Variants in SNX19 observed in about 807,000 individuals in gnomAD.
The protein encoded by SNX19 is sorting nexin-19.
Under a neutral mutation model 85.2 loss-of-function variants are expected in SNX19, and 60 were observed. That is an observed-to-expected ratio of 0.70 (90% CI 0.57 to 0.87). SNX19 has a LOEUF of 0.87. SNX19 is among the 40% of genes least tolerant of loss of function. The pLI, the probability that SNX19 is intolerant of heterozygous loss-of-function variation, is 0.00. For missense variants in SNX19, 1,201 were observed against 1,217.8 expected, an observed-to-expected ratio of 0.99 and a Z score of 0.21; for synonymous variants, 520 against 470.0, an observed-to-expected ratio of 1.11 and a Z score of -1.38.
At chr11:130,908,710 C>T (rs1592363246) in intron 4 of SNX19, among the ~76,000 whole-genome samples, 1 of 108,050 alleles carries the variant, frequency 9.3e-6, no homozygotes, top group Non-Finnish European at 2.3e-5. Context: ...TCTACTCATA[C>T]AAGACCAAAT....
intron 8 of SNX19, among the ~76,000 whole-genome samples, chr11:130,890,633 T>C (rs1056919929): frequency 5.9e-5 from 9 of 152,266 alleles, no homozygotes; most frequent in Admixed American, 5.9e-4. Context: ...GTACCACAAA[T>C]ACACTATATT....
Position 130,877,327 on chromosome 11 carries a change from C to T in SNX19, c.*1095G>A, listed in dbSNP as rs1266394474. ...TTGCCTTTCTAATAGATGTTGCAGT[C>T]TGACAAAACACCTTTGCCTTCATGC... On this transcript the variant is annotated 3_prime_UTR_variant, in exon 11 of 11. Transcript: ENST00000265909. 6.6e-6 allele frequency: 1 copy of T among 152,238 alleles called. No individual in the cohort carries two copies. Among genetic ancestry groups the T allele is most frequent in the African/African-American group, 2.4e-5 (1 of 41,444 alleles). 9.4% of individuals were successfully genotyped at this position (152,238 alleles called of 1,614,324 possible).
intron 7 of SNX19, chr11:130,905,654 A>T: frequency 6.7e-7 from 1 of 1,492,080 alleles, no homozygotes; most frequent in South Asian, 1.3e-5. Context: ...CAAGAGTCTG[A>T]TATGCCAAAG....
intron 8 of SNX19, among the ~76,000 whole-genome samples, chr11:130,900,870 G>A (rs1945215935): frequency 6.6e-6 from 1 of 152,138 alleles, no homozygotes; most frequent in East Asian, 1.9e-4. Flanking sequence ...ACATCCAGAG[G>A]TGACAGAATA....
At chr11:130,887,340 T>C (rs371308160) in intron 8 of SNX19, among the ~76,000 whole-genome samples, 11 of 152,204 alleles carry the variant, frequency 7.2e-5, no homozygotes, top group East Asian at 3.9e-4. Flanking sequence ...TATGAAAGCA[T>C]TGGGCACCAA....
In SNX19 at chr11:130,869,077, T is replaced by A. The variant is rs549332556; in HGVS notation, c.*9345A>T. 2 of 152,354 alleles carry A rather than the reference T, an allele frequency of 1.3e-5. No homozygotes were observed. The highest frequency in any genetic ancestry group is 3.9e-4 in the East Asian group (2 of 5,168). The allele number at this position is 152,354 out of a possible 1,614,324, so 9.4% of individuals were successfully genotyped here. A position where few individuals can be genotyped will look rare whatever the true frequency, so the allele number is the denominator to read the frequency against. On this transcript the variant is annotated 3_prime_UTR_variant, in exon 11 of 11. Transcript: ENST00000265909. ...GAAAATTGTCTGCCATGGTATATGC[T>A]GGAAAAACTCTGGGAAACAAGACAA...
At position 130,915,783 on chromosome 11, in the gene SNX19, G is replaced by A. The variant is rs1184645089; in HGVS notation, c.157C>T (p.Leu53Phe). The change falls in exon 1 of 11, where the codon CTT (leucine) becomes TTT (phenylalanine). Residue 53 changes from leucine (L) to phenylalanine (F), a missense_variant. Leu to Phe is a conservative substitution (Grantham distance 22). This residue lies in a region of SNX19 where 791 missense variants were observed against 750.9 expected (regional missense o/e 1.05). Transcript: ENST00000265909. ...HLLVNVWLLC[L>F]LSALLVVLGG... ...AGCACCACTAGCAATGCCGACAGAA[G>A]GCACAGCAGCCACACGTTGACCAGA... 4.8e-5 allele frequency: 77 copies of A among 1,614,076 alleles called. No homozygotes were observed. Among genetic ancestry groups the A allele is most frequent in the Non-Finnish European group, 6.1e-5 (72 of 1,180,058 alleles).
chr11:130,913,716 G>A (rs1462128729), intron 1 of SNX19, among the ~76,000 whole-genome samples: 1 of 152,112 alleles, frequency 6.6e-6, no homozygotes, highest in Admixed American at 6.5e-5. Flanking sequence ...AGGAAGGTAG[G>A]TTATTTACCT....
chr11:130,897,293 C>T, intron 8 of SNX19, among the ~76,000 whole-genome samples: 1 of 152,074 alleles, frequency 6.6e-6, no homozygotes, highest in East Asian at 1.9e-4. Flanking sequence ...TCTGCCAGAA[C>T]CTTTCCCCCT....
chr11:130,905,219 A>T (rs1469322936), intron 7 of SNX19, among the ~76,000 whole-genome samples: 1 of 152,168 alleles, frequency 6.6e-6, no homozygotes, highest in African/African-American at 2.4e-5. Flanking sequence ...TGGAAGGCAA[A>T]ATTGCTCTGC....
chr11:130,887,133 C>T (rs1402751302), intron 8 of SNX19, among the ~76,000 whole-genome samples: 1 of 152,166 alleles, frequency 6.6e-6, no homozygotes, highest in African/African-American at 2.4e-5. Context: ...TTGACATTCT[C>T]CTAAATACCA....
chr11:130,889,029 G>A (rs7111143), intron 8 of SNX19, among the ~76,000 whole-genome samples: 60,127 of 151,896 alleles, frequency 0.4, 12,879 homozygotes, highest in African/African-American at 0.57. Flanking sequence ...GTAATCAGTT[G>A]ATACTACAGC....
In SNX19 at chr11:130,867,270, T is replaced by C. The variant is rs1029626553; in HGVS notation, c.*11152A>G. ...TCTAAATAAGACATTGGATATGAAA[T>C]ACTTTGTGATATAGAAAGTCCTATA... On this transcript the variant is annotated 3_prime_UTR_variant, in exon 11 of 11. Coordinates refer to ENST00000265909, the MANE Select transcript of SNX19 (RefSeq NM_014758.3). The C allele has an allele frequency of 1.3e-5, 2 of 152,356 alleles. No homozygotes were observed. Among genetic ancestry groups the C allele is most frequent in the South Asian group, 4.1e-4 (2 of 4,832 alleles). 9.4% of individuals were successfully genotyped at this position (152,356 alleles called of 1,614,324 possible).
At chr11:130,899,779 GTAAC>G (rs1311932089) in intron 8 of SNX19, among the ~76,000 whole-genome samples, 1 of 152,208 alleles carries the variant, frequency 6.6e-6, no homozygotes, top group Non-Finnish European at 1.5e-5. Context: ...TTTTTCAAAA[GTAAC>G]TAGCCGCAAA....
chr11:130,885,029 C>G (rs1482973414), intron 8 of SNX19, among the ~76,000 whole-genome samples: 1 of 151,932 alleles, frequency 6.6e-6, no homozygotes, highest in Admixed American at 6.6e-5. Context: ...ACTACTATTC[C>G]AGGTCTGATA....
intron 8 of SNX19, among the ~76,000 whole-genome samples, chr11:130,884,890 A>AG (rs548694371): frequency 0.034 from 5,017 of 145,484 alleles, 203 homozygotes; most frequent in South Asian, 0.13. Flanking sequence ...AAAAAAAAAA[A>AG]AAATTACTTA....
rs1419943723 is a variant in SNX19, at chr11:130,873,814, A to G, written c.*4608T>C. ...GGATCTGCTGAATGTTGGCAGAATG[A>G]CCCATCCCTAGAGCAGACATTGTCT... On this transcript the variant is annotated 3_prime_UTR_variant, in exon 11 of 11. Coordinates refer to ENST00000265909, the MANE Select transcript of SNX19 (RefSeq NM_014758.3). Among the ~76,000 whole-genome samples the G allele has an allele frequency of 6.6e-6, 1 of 152,040 alleles. No homozygotes were observed. The highest frequency in any genetic ancestry group is 1.9e-4 in the East Asian group (1 of 5,170).
At chr11:130,890,890 C>CTT (rs10678203) in intron 8 of SNX19, among the ~76,000 whole-genome samples, 83,155 of 142,722 alleles carry the variant, frequency 0.58, 24,891 homozygotes, top group South Asian at 0.71. Context: ...GGATTTGGGT[C>CTT]TTTTTTTTTT....
At position 130,875,868 on chromosome 11, in the gene SNX19, T is replaced by C. The variant is rs569506795; in HGVS notation, c.*2554A>G. 7.2e-5 allele frequency: 11 copies of C among 152,352 alleles called. No homozygotes were observed. The South Asian group carries it at 2.3e-3, about 32-fold the overall frequency. The allele number at this position is 152,352 out of a possible 1,614,324, so 9.4% of individuals were successfully genotyped here. ...TAATAATAAAAATAAAATTTATACA[T>C]GCTCCTAGGCTCAGATTTAGGAATT... On this transcript the variant is annotated 3_prime_UTR_variant, in exon 11 of 11. Transcript: ENST00000265909.
Sources: gnomAD v4.1 joint callset for allele counts (sites outside exome capture counted in the v4.1 genomes callset) on GRCh38, gnomAD v4.1.1 for gene constraint, gnomAD v4.1.1 regional missense constraint, MANE v1.5 for transcripts, NCBI Gene and HGNC (gene_info 2026-07-23, HGNC 2026-07-21) for gene names.